Variants in PIKFYVE observed in about 807,000 individuals in gnomAD.
The protein encoded by PIKFYVE is phosphoinositide kinase, FYVE-type zinc finger containing.
Under a neutral mutation model 257.9 loss-of-function variants are expected in PIKFYVE, and 122 were observed. The observed-to-expected ratio is 0.47, with a 90% CI of 0.41 to 0.55. The LOEUF (loss-of-function observed/expected upper bound fraction) is 0.55, where lower values mean the gene tolerates loss of function less well. Among genes scored for constraint, PIKFYVE ranks in the 20% least tolerant of loss-of-function variants. The pLI is 0.00. For missense variants in PIKFYVE, 2,160 were observed against 2,536.6 expected (o/e 0.85, Z 3.19); for synonymous variants, 892 against 868.9 (o/e 1.03, Z -0.47).
chr2:208,348,502 A>G (rs1488893544), intron 35 of PIKFYVE, among the ~76,000 whole-genome samples: 2 of 151,794 alleles, frequency 1.3e-5, no homozygotes, highest in Non-Finnish European at 2.9e-5. Context: ...TAATCCCATC[A>G]CTTTGGGAGG....
chr2:208,294,624 A>T (rs1692730427), intron 7 of PIKFYVE, among the ~76,000 whole-genome samples: 1 of 152,036 alleles, frequency 6.6e-6, no homozygotes, highest in African/African-American at 2.4e-5. Flanking sequence ...TGTAAACTTT[A>T]TCAGGGCTTT....
At chr2:208,295,244 C>G (rs747287897) in intron 7 of PIKFYVE, among the ~76,000 whole-genome samples, 2 of 152,198 alleles carry the variant, frequency 1.3e-5, no homozygotes, top group African/African-American at 4.8e-5. Context: ...TGAAGATGCT[C>G]ACGTGCTAGA....
At chr2:208,309,301 G>C (rs749341482) in intron 12 of PIKFYVE, among the ~76,000 whole-genome samples, 4 of 152,118 alleles carry the variant, frequency 2.6e-5, no homozygotes, top group Non-Finnish European at 5.9e-5. Flanking sequence ...AGTTAACACA[G>C]TTAAACATAA....
intron 18 of PIKFYVE, among the ~76,000 whole-genome samples, chr2:208,324,557 T>G (rs979249216): frequency 6.6e-6 from 1 of 152,128 alleles, no homozygotes; most frequent in African/African-American, 2.4e-5. Context: ...TCCTTCATTT[T>G]TGTTGGAGAA....
rs1223393438 is a variant in PIKFYVE, at chr2:208,276,748, A to G, written c.359A>G (p.His120Arg). ...RRKAEPTFGGHDPRTAVQLRS... is the reference protein window; with the variant it reads ...RRKAEPTFGGRDPRTAVQLRS... ...AAAGCAGAACCTACCTTTGGAGGTC[A>G]TGACCCTCGTACAGCTGTTCAGCTT... The change falls in exon 4 of 42, where the codon CAT becomes CGT. Residue 120 changes from histidine to arginine, a missense_variant. By Grantham distance (29) the His-to-Arg change is conservative (BLOSUM62 0). Transcript: ENST00000264380. 5.0e-6 allele frequency: 8 copies of G among 1,613,652 alleles called. No homozygotes were observed. Among genetic ancestry groups the G allele is most frequent in the East Asian group, 2.2e-5 (1 of 44,892 alleles).
rs1691932906 is a variant in PIKFYVE, at chr2:208,288,922, TC to T, written c.911+106del. 8.7e-6 allele frequency: 12 copies of T among 1,378,278 alleles called. No individual in the cohort carries two copies. The Middle Eastern group carries it at 7.2e-4, about 83-fold the overall frequency. 85.4% of individuals were successfully genotyped at this position (1,378,278 alleles called of 1,614,324 possible). A position where few individuals can be genotyped will look rare whatever the true frequency, so the allele number is the denominator to read the frequency against. On this transcript the variant is annotated intron_variant, in intron 7 of 41. Coordinates refer to ENST00000264380, the MANE Select transcript of PIKFYVE (RefSeq NM_015040.4). ...AGGGTGGGATTGATTGTCATATACT[TC>T]CGTAGCTCTAAAAGCTGAATTAAAC...
intron 39 of PIKFYVE, 56 bp downstream of exon 39, chr2:208,352,838 G>T (rs1338944687): frequency 6.3e-7 from 1 of 1,583,114 alleles, no homozygotes; most frequent in Non-Finnish European, 8.6e-7. Context: ...TGTACCTTTG[G>T]TTCTTAAATA....
chr2:208,330,591 A>T lies in PIKFYVE; in HGVS notation c.3860A>T (p.His1287Leu), dbSNP rs1697424127. The change falls in exon 23 of 42, where the codon CAT becomes CTT. Residue 1287 changes from histidine (H) to leucine (L), a missense_variant. His to Leu is a moderately conservative substitution (Grantham distance 99). Transcript: ENST00000264380. ...PMVHHIRRFV[H>L]GQGCVQIILK... ...GTACATCATATTCGGCGCTTTGTTC[A>T]TGGCCAAGGCTGTGTGCAGATAATC... The T allele has an allele frequency of 6.2e-7, 1 of 1,614,198 alleles. No individual in the cohort carries two copies. The highest frequency in any genetic ancestry group is 8.5e-7 in the Non-Finnish European group (1 of 1,180,028).
In PIKFYVE at chr2:208,325,769, C is replaced by T. The variant is rs904125828; in HGVS notation, c.2958C>T (p.Asp986=). The change falls in exon 20 of 42, where the codon GAC becomes GAT. Residue 986 remains aspartate (D), a synonymous_variant. Coordinates refer to ENST00000264380, the MANE Select transcript of PIKFYVE (RefSeq NM_015040.4). ...PESLLPLPVD[D]QQDALGSEQP... is the part of the protein sequence containing the mutation. ...CATTGTTGCCACTCCCTGTGGATGACCAACAAGATGCTTTAGGCAGCGAGC... is the reference window on the plus strand; with the variant it reads ...CATTGTTGCCACTCCCTGTGGATGATCAACAAGATGCTTTAGGCAGCGAGC... 36 of 1,613,678 alleles carry T rather than the reference C, an allele frequency of 2.2e-5. No homozygotes were observed. In the Admixed American group the frequency reaches 3.5e-4, roughly 16 times the overall value.
intron 7 of PIKFYVE, among the ~76,000 whole-genome samples, chr2:208,296,069 A>G (rs984605071): frequency 1.3e-5 from 2 of 151,780 alleles, no homozygotes; most frequent in South Asian, 4.2e-4. Context: ...CAGTGGCGCA[A>G]TTTCACCTCA....
rs201536753 is a variant in PIKFYVE at position 208,283,797 on chromosome 2, T to G, written c.614-1929T>G. Among the ~76,000 whole-genome samples the G allele has an allele frequency of 3.3e-5, 5 of 152,308 alleles. No homozygotes were observed. The East Asian group carries it at 9.7e-4, about 29-fold the overall frequency. On this transcript the variant is annotated intron_variant, in intron 5 of 41. Transcript: ENST00000264380. ...TGGGGTCTCACCATGTAGCCTAGGCTGGTCTCAAACTCCTGTGCTCAAGCA... is the reference window on the plus strand; with the variant it reads ...TGGGGTCTCACCATGTAGCCTAGGCGGGTCTCAAACTCCTGTGCTCAAGCA...
chr2:208,301,843 A>G (rs576766638), intron 9 of PIKFYVE, among the ~76,000 whole-genome samples: 8 of 152,314 alleles, frequency 5.3e-5, no homozygotes, highest in African/African-American at 1.9e-4. Flanking sequence ...TTTCATATAT[A>G]TATATACACA....
intron 1 of PIKFYVE, among the ~76,000 whole-genome samples, chr2:208,267,210 G>T (rs969122759): frequency 6.7e-6 from 1 of 149,312 alleles, no homozygotes; most frequent in African/African-American, 2.5e-5. Flanking sequence ...TAGTCGCTTG[G>T]TATAATGTAC....
At chr2:208,290,286 C>T (rs1367150852) in intron 7 of PIKFYVE, among the ~76,000 whole-genome samples, 1 of 152,218 alleles carries the variant, frequency 6.6e-6, no homozygotes, top group Non-Finnish European at 1.5e-5. Context: ...TTATCCCTTC[C>T]TCTCCCCAAC....
chr2:208,352,304 A>G (rs757671410), intron 38 of PIKFYVE, among the ~76,000 whole-genome samples: 10 of 151,578 alleles, frequency 6.6e-5, no homozygotes, highest in Admixed American at 2.6e-4. Context: ...CCCCCACCCC[A>G]TCCCAACTGC....
At position 208,325,303 on chromosome 2, in the gene PIKFYVE, G is replaced by C; in HGVS notation, c.2492G>C (p.Cys831Ser). The C allele has an allele frequency of 6.2e-7, 1 of 1,613,994 alleles. No homozygotes were observed. The highest frequency in any genetic ancestry group is 8.5e-7 in the Non-Finnish European group (1 of 1,179,966). Residue 831 changes from cysteine (C) to serine (S), a missense_variant, in exon 20 of 42, where the codon TGT becomes TCT. By Grantham distance (112) the Cys-to-Ser change is moderately radical (BLOSUM62 -1). Transcript: ENST00000264380. ...AAGACACTGATGTTTTTTGAAGGTT[G>C]TCCACAGCACCTAGGCTGTACAATC... ...QTKTLMFFEG[C>S]PQHLGCTIKL...
At chr2:208,336,741 T>C in intron 27 of PIKFYVE, 97 bp from the exon 28 acceptor site, 1 of 757,850 alleles carries the variant, frequency 1.3e-6, no homozygotes, top group Non-Finnish European at 2.2e-6. Context: ...ATAGGAAAAC[T>C]TTGTGATTTC....
Position 208,355,948 on chromosome 2 carries a change from A to C in PIKFYVE, c.*643A>C, listed in dbSNP as rs1384694026. ...TTTTAAAATTTTGTCTTCTCTGTGG[A>C]AGACAGGAGGCTACAGCAATTAACT... is the stretch of plus-strand genomic sequence containing the variant. On this transcript the variant is annotated 3_prime_UTR_variant, in exon 42 of 42. Coordinates refer to ENST00000264380, the MANE Select transcript of PIKFYVE (RefSeq NM_015040.4). The C allele has an allele frequency of 1.3e-5, 2 of 152,510 alleles. No homozygotes were observed. The highest frequency in any genetic ancestry group is 2.4e-5 in the African/African-American group (1 of 41,386). 9.4% of individuals were successfully genotyped at this position (152,510 alleles called of 1,614,324 possible).
chr2:208,334,813 T>G (rs1444669744), intron 24 of PIKFYVE, among the ~76,000 whole-genome samples: 1 of 152,218 alleles, frequency 6.6e-6, no homozygotes, highest in East Asian at 1.9e-4. Flanking sequence ...CAGGGGATAT[T>G]TGCTAATTAG....
Sources: gnomAD v4.1 joint callset for allele counts (sites outside exome capture counted in the v4.1 genomes callset) on GRCh38, gnomAD v4.1.1 for gene constraint, MANE v1.5 for transcripts, NCBI Gene and HGNC (gene_info 2026-07-23, HGNC 2026-07-21) for gene names.